The following ZNF846 variants were observed in gnomAD, a reference collection of about 807,000 sequenced individuals.
ZNF846 encodes the protein zinc finger protein 420 pseudogene.
In ZNF846, 15 loss-of-function variants were observed where a neutral mutation model predicts 16.0. That is an observed-to-expected ratio of 0.94 (90% CI 0.63 to 1.45). The LOEUF (loss-of-function observed/expected upper bound fraction) is 1.45. Ranked by LOEUF, ZNF846 falls within the 40% of genes most tolerant of loss-of-function variation. The pLI, the probability that ZNF846 is intolerant of heterozygous loss-of-function variation, is 0.00. For synonymous variants in ZNF846, 229 were observed against 212.0 expected, an observed-to-expected ratio of 1.08 and a Z score of -0.70; for missense variants, 714 against 622.3, an observed-to-expected ratio of 1.15 and a Z score of -1.57.
In ZNF846 at chr19:9,758,092, T is replaced by C. The variant is rs1367583342; in HGVS notation, c.985A>G (p.Met329Val). 8 of 1,613,708 alleles carry C rather than the reference T, an allele frequency of 5.0e-6. No individual in the cohort carries two copies. In the African/African-American group the frequency reaches 9.4e-5, roughly 19 times the overall value. Reference sequence around the variant, plus strand: ...GGCTTTTCTCCAGTGTGAATTCGCATGTGTAAAATAAGTCCTGTGGATCTA... The same window carrying C: ...GGCTTTTCTCCAGTGTGAATTCGCACGTGTAAAATAAGTCCTGTGGATCTA... The change falls in exon 6 of 6, where the codon ATG becomes GTG. Residue 329 changes from methionine (M) to valine (V), a missense_variant. Met to Val is a conservative substitution (Grantham distance 21). Coordinates refer to ENST00000397902, the Ensembl canonical transcript of ZNF846.
At chr19:9,759,210 C>T (rs966019950) in intron 5 of ZNF846, among the ~76,000 whole-genome samples, 1 of 151,838 alleles carries the variant, frequency 6.6e-6, no homozygotes, top group Non-Finnish European at 1.5e-5. Flanking sequence ...GTTGACCAGG[C>T]TAGTCTCCAA....
At chr19:9,757,871 G>C (rs2045157533) in exon 6 of ZNF846, 2 of 1,613,170 alleles carry the variant, frequency 1.2e-6, no homozygotes, top group East Asian at 2.2e-5. Context: ...AATTATTAAA[G>C]GCTTTCCCAC....
intron 4 of ZNF846, among the ~76,000 whole-genome samples, chr19:9,761,160 T>C (rs1442153522): frequency 6.6e-6 from 1 of 151,870 alleles, no homozygotes; most frequent in Admixed American, 6.6e-5. Flanking sequence ...CCAAGATGGC[T>C]CCACTGGACT....
At chr19:9,749,868 C>T (rs2045070399), downstream of ZNF846, among the ~76,000 whole-genome samples, 1 of 152,180 alleles carries the variant, frequency 6.6e-6, no homozygotes, top group East Asian at 1.9e-4. Flanking sequence ...GTGAGAACTC[C>T]CCAGAGATTT....
chr19:9,754,589 C>T (rs1599380859), downstream of ZNF846, among the ~76,000 whole-genome samples: 2 of 104,038 alleles, frequency 1.9e-5, no homozygotes, highest in Non-Finnish European at 3.8e-5. Context: ...AAAAAAAAAG[C>T]AAAGGGCAAC....
At chr19:9,762,167 T>C (rs1454050339) in exon 4 of ZNF846, 5 of 1,613,784 alleles carry the variant, frequency 3.1e-6, no homozygotes, top group Non-Finnish European at 4.2e-6. Flanking sequence ...ATTCAGACCC[T>C]GCTGGAGGGA....
At chr19:9,756,345 G>GTGTA (rs1321690890), downstream of ZNF846, 178 of 81,742 alleles carry the variant, frequency 2.2e-3, 1 homozygote, top group Middle Eastern at 7.2e-3. Context: ...GTGTGTGTGT[G>GTGTA]TATATATATA....
intron 4 of ZNF846, 77 bp downstream of exon 4, chr19:9,762,005 G>A: frequency 7.7e-7 from 1 of 1,299,334 alleles, no homozygotes; most frequent in Non-Finnish European, 1.1e-6. Flanking sequence ...AGTTCGCAAA[G>A]TAACATTTCC....
chr19:9,769,209 G>A (rs1319416988), upstream of ZNF846, among the ~76,000 whole-genome samples: 2 of 151,566 alleles, frequency 1.3e-5, no homozygotes, highest in African/African-American at 4.9e-5. Context: ...CTCGGCCTCC[G>A]GAGTAGCTTG....
chr19:9,760,066 TG>T, intron 4 of ZNF846, 124 bp from the exon 5 acceptor site: 1 of 623,060 alleles, frequency 1.6e-6, no homozygotes, highest in Non-Finnish European at 2.8e-6. Context: ...CCTAGATAGG[TG>T]GCTTACCTGA....
At chr19:9,770,898 G>A (rs182069112), upstream of ZNF846, among the ~76,000 whole-genome samples, 4 of 151,914 alleles carry the variant, frequency 2.6e-5, no homozygotes, top group East Asian at 7.7e-4. Flanking sequence ...TAAATCCCCA[G>A]CTCAAAAAAT....
At chr19:9,750,617 GAAC>G (rs976735834), downstream of ZNF846, among the ~76,000 whole-genome samples, 4 of 152,008 alleles carry the variant, frequency 2.6e-5, no homozygotes, top group Non-Finnish European at 5.9e-5. Context: ...AAATGGGAAC[GAAC>G]AACTGCCTGT....
At chr19:9,763,497 A>G (rs2045265083) in intron 2 of ZNF846, 89 bp from the exon 3 acceptor site, 1 of 1,280,062 alleles carries the variant, frequency 7.8e-7, no homozygotes, top group African/African-American at 1.5e-5. Flanking sequence ...GGAAGACTAG[A>G]AGCCTGCAGT....
At chr19:9,775,568 C>T (rs1426892323) in intron 1 of ZNF846, among the ~76,000 whole-genome samples, 1 of 152,154 alleles carries the variant, frequency 6.6e-6, no homozygotes, top group Non-Finnish European at 1.5e-5. Context: ...TGGAAAAAGA[C>T]AAAATTACAT....
chr19:9,764,853 G>A, intron 2 of ZNF846, 83 bp downstream of exon 2: 1 of 1,498,352 alleles, frequency 6.7e-7, no homozygotes, highest in South Asian at 1.1e-5. Flanking sequence ...TCTTTAAGAT[G>A]CTTGAATACA....
At chr19:9,775,672 G>A (rs192433623) in intron 1 of ZNF846, among the ~76,000 whole-genome samples, 1 of 152,276 alleles carries the variant, frequency 6.6e-6, no homozygotes, top group African/African-American at 2.4e-5. Flanking sequence ...GTATTTGAAT[G>A]ATTTTTGGGT....
chr19:9,758,839 A>AT, intron 5 of ZNF846, 75 bp from the exon 6 acceptor site: 1 of 1,127,480 alleles, frequency 8.9e-7, no homozygotes, highest in Non-Finnish European at 1.3e-6. Flanking sequence ...CAATCACAAC[A>AT]TATATGCATT....
At chr19:9,763,319 A>T (rs2045261295) in exon 3 of ZNF846, 1 of 1,606,736 alleles carries the variant, frequency 6.2e-7, no homozygotes, top group Admixed American at 1.7e-5. Flanking sequence ...CCAACATCAC[A>T]TCTCTGTAGA....
downstream of ZNF846, among the ~76,000 whole-genome samples, chr19:9,755,247 G>GA (rs1204655963): frequency 3.3e-5 from 5 of 151,324 alleles, no homozygotes; most frequent in Admixed American, 3.3e-4. Context: ...CTAAAATATA[G>GA]AAAAAATTCT....
Sources: gnomAD v4.1 joint callset for allele counts (sites outside exome capture counted in the v4.1 genomes callset) on GRCh38, gnomAD v4.1.1 for gene constraint, MANE v1.5 for transcripts, NCBI Gene and HGNC (gene_info 2026-07-23, HGNC 2026-07-21) for gene names.